CLEC9A: variants seen among roughly 807,000 people sequenced by gnomAD.
CLEC9A encodes the protein C-type lectin domain family 9 member A.
In CLEC9A, 24 loss-of-function variants were observed where a neutral mutation model predicts 30.0. The ratio of observed to expected loss-of-function variants is 0.80; its 90% confidence interval spans 0.58 to 1.13. The LOEUF is 1.13. Ranked by LOEUF, CLEC9A falls within the 50% of genes most tolerant of loss-of-function variation. CLEC9A has a pLI of 0.00. For synonymous variants in CLEC9A, 111 were observed against 96.8 expected, an observed-to-expected ratio of 1.15 and a Z score of -0.86; for missense variants, 251 against 280.9, an observed-to-expected ratio of 0.89 and a Z score of 0.76.
At chr12:10,036,636 T>C (rs2137295922) in intron 1 of CLEC9A, among the ~76,000 whole-genome samples, 1 of 152,372 alleles carries the variant, frequency 6.6e-6, no homozygotes, top group Admixed American at 6.5e-5. Context: ...TGTTATACAT[T>C]CCACTAATTT....
intron 4 of CLEC9A, among the ~76,000 whole-genome samples, chr12:10,053,839 T>C (rs1221141908): frequency 6.6e-6 from 1 of 152,222 alleles, no homozygotes. Flanking sequence ...ATTTAAAATG[T>C]GTATCTTTCT....
chr12:10,061,670 G>A (rs1866000017), intron 6 of CLEC9A, among the ~76,000 whole-genome samples: 1 of 152,102 alleles, frequency 6.6e-6, no homozygotes, highest in Non-Finnish European at 1.5e-5. Context: ...ATAGCTTTGA[G>A]CAAAAAAATT....
chr12:10,037,391 A>C (rs1163467606), intron 1 of CLEC9A, among the ~76,000 whole-genome samples: 1 of 152,028 alleles, frequency 6.6e-6, no homozygotes, highest in Admixed American at 6.6e-5. Context: ...TCATTCATTC[A>C]TTTTCCCACA....
At chr12:10,032,249 A>C (rs1865704258) in intron 1 of CLEC9A, among the ~76,000 whole-genome samples, 1 of 152,200 alleles carries the variant, frequency 6.6e-6, no homozygotes, top group Non-Finnish European at 1.5e-5. Context: ...CCATAGACGC[A>C]GGACAAGAAC....
intron 5 of CLEC9A, among the ~76,000 whole-genome samples, chr12:10,055,602 C>A: frequency 6.6e-6 from 1 of 151,870 alleles, no homozygotes. Flanking sequence ...CAATTACAAA[C>A]AAAATTAACT....
chr12:10,052,151 A>G (rs1475102599), intron 3 of CLEC9A, 57 bp downstream of exon 3: 2 of 152,468 alleles, frequency 1.3e-5, no homozygotes, highest in Non-Finnish European at 2.9e-5. Context: ...TATTTATCAC[A>G]GTAAGTAGCA....
intron 1 of CLEC9A, among the ~76,000 whole-genome samples, chr12:10,041,201 G>A (rs888978434): frequency 1.3e-5 from 2 of 151,988 alleles, no homozygotes; most frequent in Non-Finnish European, 2.9e-5. Flanking sequence ...AGCCAAGATC[G>A]TGCCACTGCA....
chr12:10,064,399 T>C (rs1758808794), intron 7 of CLEC9A, among the ~76,000 whole-genome samples: 1 of 152,228 alleles, frequency 6.6e-6, no homozygotes, highest in Admixed American at 6.5e-5. Flanking sequence ...ATGTGGTCTA[T>C]GATGTCAAGA....
chr12:10,055,829 G>A lies in CLEC9A; in HGVS notation c.172+1478G>A, dbSNP rs1865937242. 7.2e-5 allele frequency among the ~76,000 whole-genome samples: 11 copies of A among 151,984 alleles called. 1 individual carries two copies. In the South Asian group the frequency reaches 2.3e-3, roughly 32 times the overall value. ...CCCAGCACTTTGGGAGGCCGAGGTG[G>A]GCGGATTGCCTGAGGTCAGGAGTTC... On this transcript the variant is annotated intron_variant, in intron 5 of 8. Coordinates refer to ENST00000355819, the MANE Select transcript of CLEC9A (RefSeq NM_207345.4).
chr12:10,042,722 C>G (rs1380534571), intron 2 of CLEC9A, among the ~76,000 whole-genome samples: 1 of 152,120 alleles, frequency 6.6e-6, no homozygotes, highest in African/African-American at 2.4e-5. Flanking sequence ...TAATAAATCC[C>G]TTTGAGAAAG....
At chr12:10,032,004 G>C (rs1207663918) in intron 1 of CLEC9A, among the ~76,000 whole-genome samples, 1 of 152,088 alleles carries the variant, frequency 6.6e-6, no homozygotes, top group Non-Finnish European at 1.5e-5. Flanking sequence ...TGTTGCAGAT[G>C]CTCAATGTCA....
At position 10,053,745 on chromosome 12, in the gene CLEC9A, CT is replaced by C. The variant is rs111513194; in HGVS notation, c.92-516del. 1.1e-3 allele frequency among the ~76,000 whole-genome samples: 164 copies of C among 149,436 alleles called. 1 individual carries two copies. The highest frequency in any genetic ancestry group is 3.3e-3 in the African/African-American group (135 of 40,830). ...TTTGAATACAAAAAATCACATATTCCTTTTTTTTTTCCTCTCTGCAGGGTTG... is the reference window on the plus strand; with the variant it reads ...TTTGAATACAAAAAATCACATATTCCTTTTTTTTTCCTCTCTGCAGGGTTG... On this transcript the variant is annotated intron_variant, in intron 4 of 8. Transcript: ENST00000355819.
intron 2 of CLEC9A, 41 bp downstream of exon 2, chr12:10,041,661 G>C: frequency 3.8e-6 from 2 of 525,162 alleles, no homozygotes; most frequent in South Asian, 1.4e-5. Context: ...AGGCAAGGGA[G>C]AAAACTCTCA....
At chr12:10,031,800 C>T (rs1046872225) in intron 1 of CLEC9A, among the ~76,000 whole-genome samples, 1 of 151,990 alleles carries the variant, frequency 6.6e-6, no homozygotes, top group Non-Finnish European at 1.5e-5. Flanking sequence ...AGAAAAGTTA[C>T]GCACAAATTA....
intron 2 of CLEC9A, among the ~76,000 whole-genome samples, chr12:10,050,079 T>C (rs1219054242): frequency 1.3e-5 from 2 of 152,150 alleles, no homozygotes; most frequent in African/African-American, 4.8e-5. Context: ...ATAAGGAGGC[T>C]CAAGGAAAAG....
Position 10,052,765 on chromosome 12 carries a change from CAACAAATGTTCAGGT to C in CLEC9A, c.82_91+5del. 6.2e-7 allele frequency: 1 copy of C among 1,613,452 alleles called. No homozygotes were observed. The highest frequency in any genetic ancestry group is 1.1e-5 in the South Asian group (1 of 91,052). On this transcript the variant is annotated splice_donor_variant and coding_sequence_variant, in exon 4 of 9. Coordinates refer to ENST00000355819, the MANE Select transcript of CLEC9A (RefSeq NM_207345.4). LOFTEE classifies it high-confidence loss of function. ...ACACTTACCAGAAATGTCTGTCTTC[CAACAAATGTTCAGGT>C]AACCAGTTCTAACTATTTTGTGTGA...
chr12:10,045,351 A>G (rs532123903), intron 2 of CLEC9A: 1 of 153,640 alleles, frequency 6.5e-6, no homozygotes, highest in South Asian at 2.0e-4. Context: ...GAGCTACTCA[A>G]CAATGAGAAA....
Position 10,052,687 on chromosome 12 carries a change from C to A in CLEC9A, c.-1C>A. The A allele has an allele frequency of 6.2e-7, 1 of 1,613,812 alleles. No individual in the cohort carries two copies. The highest frequency in any genetic ancestry group is 1.7e-5 in the Admixed American group (1 of 59,998). On this transcript the variant is annotated 5_prime_UTR_variant, in exon 4 of 9. Coordinates refer to ENST00000355819, the MANE Select transcript of CLEC9A (RefSeq NM_207345.4). ...TGCTTTCCTATCAAAGCACCTTAGA[C>A]ATGCACGAGGAAGAAATATACACCT...
intron 6 of CLEC9A, 128 bp from the exon 7 acceptor site, chr12:10,062,927 C>T: frequency 1.5e-6 from 1 of 666,108 alleles, no homozygotes; most frequent in Non-Finnish European, 2.3e-6. Context: ...TTGGTAAGTG[C>T]TACATCATGT....
Sources: gnomAD v4.1 joint callset for allele counts (sites outside exome capture counted in the v4.1 genomes callset) on GRCh38, gnomAD v4.1.1 for gene constraint, MANE v1.5 for transcripts, NCBI Gene and HGNC (gene_info 2026-07-23, HGNC 2026-07-21) for gene names.